The following GRIK2 variants were observed in gnomAD, a reference collection of about 807,000 sequenced individuals.
GRIK2 encodes the protein glutamate receptor ionotropic, kainate 2.
A neutral mutation model predicts 100.3 loss-of-function variants in GRIK2; 32 were observed. The ratio of observed to expected loss-of-function variants is 0.32; its 90% CI spans 0.24 to 0.43. GRIK2 has a LOEUF of 0.43. Among genes scored for constraint, GRIK2 ranks in the 20% least tolerant of loss-of-function variants. The probability of loss-of-function intolerance (pLI) is 1.00; values close to 1 mark genes in which losing one functional copy is unlikely to be tolerated. For synonymous variants in GRIK2, 417 were observed against 389.4 expected (o/e 1.07, Z -0.83); for missense variants, 843 against 1,114.9 (o/e 0.76, Z 3.47).
intron 2 of GRIK2, among the ~76,000 whole-genome samples, chr6:101,419,113 G>C (rs9373612): frequency 1.3e-5 from 2 of 152,118 alleles, no homozygotes; most frequent in East Asian, 3.9e-4. Flanking sequence ...GGGGTAGACA[G>C]CTATGATGAC....
In GRIK2 at chr6:101,802,354, C is replaced by T. The variant is rs771193417; in HGVS notation, c.1119C>T (p.Gly373=). 23 of 1,574,314 alleles carry T rather than the reference C, an allele frequency of 1.5e-5. No individual in the cohort carries two copies. The highest frequency in any genetic ancestry group is 6.9e-5 in the East Asian group (3 of 43,734). The change falls in exon 9 of 17, where the codon GGC becomes GGT. Residue 373 remains glycine, a synonymous_variant. Transcript: ENST00000369134. Reference sequence around the variant, plus strand: ...AGGCACATTGGGAAGGCCTCACAGGCAGAATAACTTTCAACAAAACCAATG... The same window carrying T: ...AGGCACATTGGGAAGGCCTCACAGGTAGAATAACTTTCAACAAAACCAATG... ...IKEAHWEGLT[G]RITFNKTNGL...
intron 11 of GRIK2, among the ~76,000 whole-genome samples, chr6:101,870,198 T>A (rs901753893): frequency 6.6e-6 from 1 of 151,904 alleles, no homozygotes; most frequent in Non-Finnish European, 1.5e-5. Context: ...TTTAAAATAT[T>A]CTCATTTTAC....
chr6:101,459,385 C>T (rs1771178536), intron 2 of GRIK2, among the ~76,000 whole-genome samples: 1 of 152,128 alleles, frequency 6.6e-6, no homozygotes, highest in African/African-American at 2.4e-5. Context: ...TTATAAGGCA[C>T]AAATATATTT....
At chr6:101,596,206 C>CTTTTTTTTTTTCTTGCTGTGTCCT (rs1562250468) in intron 2 of GRIK2, among the ~76,000 whole-genome samples, 105 of 140,442 alleles carry the variant, frequency 7.5e-4, no homozygotes, top group African/African-American at 2.6e-3. Flanking sequence ...TAAACTAATC[C>CTTTTTTTTTTTCTTGCTGTGTCCT]TTTTTTTTTT....
chr6:101,836,623 A>ATATATATATGTATGTG (rs1783117482), intron 10 of GRIK2, among the ~76,000 whole-genome samples: 1 of 133,844 alleles, frequency 7.5e-6, no homozygotes, highest in South Asian at 2.3e-4. Flanking sequence ...ATATAGTTAT[A>ATATATATATGTATGTG]TATATATATA....
intron 4 of GRIK2, among the ~76,000 whole-genome samples, chr6:101,671,949 A>C (rs1770468889): frequency 6.6e-6 from 1 of 152,158 alleles, no homozygotes; most frequent in South Asian, 2.1e-4. Context: ...CTGTGGAGCC[A>C]CTTCGAGAGC....
intron 2 of GRIK2, among the ~76,000 whole-genome samples, chr6:101,518,980 G>T (rs945958008): frequency 6.6e-6 from 1 of 152,128 alleles, no homozygotes; most frequent in Non-Finnish European, 1.5e-5. Flanking sequence ...AGAACTTTCA[G>T]GAGGAAAACT....
At chr6:101,936,348 A>G (rs1790617481) in intron 14 of GRIK2, among the ~76,000 whole-genome samples, 1 of 152,078 alleles carries the variant, frequency 6.6e-6, no homozygotes, top group Non-Finnish European at 1.5e-5. Flanking sequence ...TGGGAAATTC[A>G]CTAATGTTAA....
chr6:101,687,087 A>G (rs116511433), intron 7 of GRIK2, among the ~76,000 whole-genome samples: 85 of 152,228 alleles, frequency 5.6e-4, no homozygotes, highest in African/African-American at 1.9e-3. Context: ...TAAGTAATCA[A>G]TATAAAAATT....
chr6:101,859,407 A>G lies in GRIK2; in HGVS notation c.1438A>G (p.Ile480Val), dbSNP rs755199652. 2.5e-6 allele frequency: 4 copies of G among 1,608,354 alleles called. No individual in the cohort carries two copies. Among genetic ancestry groups the G allele is most frequent in the Non-Finnish European group, 3.4e-6 (4 of 1,174,868 alleles). ...LSTILGFTYE[I>V]RLVEDGKYGA... The stretch of plus-strand genomic sequence containing the variant: ...TACAATCCTTGGCTTTACATATGAA[A>G]TTAGACTTGTGGAAGATGGGAAATA... The change falls in exon 11 of 17, where the codon ATT becomes GTT. Residue 480 changes from isoleucine to valine, a missense_variant. This residue lies in a region of GRIK2 where 519 missense variants were observed against 643.8 expected (regional missense o/e 0.81). Transcript: ENST00000369134.
Position 101,760,668 on chromosome 6 carries a change from A to T in GRIK2, c.952-38980A>T, listed in dbSNP as rs866845064. Among the ~76,000 whole-genome samples the T allele has an allele frequency of 8.6e-3, 745 of 86,702 alleles. 3 individuals are homozygous for T. The highest frequency in any genetic ancestry group is 0.034 in the African/African-American group (484 of 14,252). The allele number at this position is 86,702 out of a possible 152,430, so 56.9% of individuals were successfully genotyped here. A position where few individuals can be genotyped will look rare whatever the true frequency, so the allele number is the denominator to read the frequency against. ...TATATAATTATATGTTTAATTATAT[A>T]TAATTATATATTTAATTATATATAA... On this transcript the variant is annotated intron_variant, in intron 7 of 16. Transcript: ENST00000369134.
chr6:101,874,978 C>G, intron 11 of GRIK2, among the ~76,000 whole-genome samples: 1 of 152,096 alleles, frequency 6.6e-6, no homozygotes, highest in Non-Finnish European at 1.5e-5. Context: ...AGTTGCTTAA[C>G]AGCTTAAGGA....
chr6:101,702,491 T>A (rs539941516), intron 7 of GRIK2, among the ~76,000 whole-genome samples: 2 of 152,146 alleles, frequency 1.3e-5, no homozygotes, highest in African/African-American at 2.4e-5. Context: ...TCTGTGCCCT[T>A]GTACATATTT....
At chr6:101,584,070 T>A (rs1284789579) in intron 2 of GRIK2, among the ~76,000 whole-genome samples, 1 of 152,086 alleles carries the variant, frequency 6.6e-6, no homozygotes, top group African/African-American at 2.4e-5. Flanking sequence ...TGGATCTTGT[T>A]TTGTGTGTAT....
intron 16 of GRIK2, among the ~76,000 whole-genome samples, chr6:102,067,543 T>C (rs1582816893): frequency 6.6e-6 from 1 of 151,816 alleles, no homozygotes; most frequent in East Asian, 1.9e-4. Context: ...GACTCTACAA[T>C]ATAAATTTTG....
chr6:101,480,168 A>G (rs543807425), intron 2 of GRIK2, among the ~76,000 whole-genome samples: 4 of 152,182 alleles, frequency 2.6e-5, no homozygotes, highest in Non-Finnish European at 4.4e-5. Flanking sequence ...GGTTTCTGTT[A>G]TGGATCACTT....
intron 2 of GRIK2, among the ~76,000 whole-genome samples, chr6:101,539,946 A>C (rs890983487): frequency 2.0e-5 from 3 of 151,870 alleles, no homozygotes; most frequent in African/African-American, 7.2e-5. Context: ...TTTAAGATTC[A>C]TCGATTCATA....
chr6:101,415,210 A>G (rs1776074634), intron 2 of GRIK2, among the ~76,000 whole-genome samples: 2 of 152,100 alleles, frequency 1.3e-5, no homozygotes, highest in South Asian at 4.1e-4. Context: ...TAGAAAATAG[A>G]AAATATATAG....
At chr6:101,445,103 T>A (rs1384217153) in intron 2 of GRIK2, among the ~76,000 whole-genome samples, 1 of 152,106 alleles carries the variant, frequency 6.6e-6, no homozygotes, top group East Asian at 1.9e-4. Flanking sequence ...AGAGGCAGGC[T>A]CAGAATACTC....
Sources: allele counts gnomAD v4.1 joint callset (sites outside exome capture counted in the v4.1 genomes callset), GRCh38; gene constraint gnomAD v4.1.1; regional missense constraint gnomAD v4.1.1; transcripts MANE v1.5; gene names NCBI Gene and HGNC (gene_info 2026-07-23, HGNC 2026-07-21).